NTRK3: variants seen among roughly 807,000 people sequenced by gnomAD.
NTRK3 encodes the protein neurotrophic receptor tyrosine kinase 3.
NTRK3 carries 24 observed loss-of-function variants against 91.7 expected under a neutral mutation model. The observed-to-expected ratio is 0.26, with a 90% CI of 0.19 to 0.37. NTRK3 has a LOEUF of 0.37. Ranked by LOEUF, NTRK3 falls within the 10% of genes least tolerant of loss-of-function variation. The pLI, the probability that NTRK3 is intolerant of heterozygous loss-of-function variation, is 1.00. For missense variants in NTRK3, 880 were observed against 1,068.9 expected (o/e 0.82, Z 2.46); for synonymous variants, 483 against 404.0 (o/e 1.20, Z -2.34).
At chr15:88,206,615 G>A (rs370139359) in intron 3 of NTRK3, among the ~76,000 whole-genome samples, 1 of 142,318 alleles carries the variant, frequency 7.0e-6, no homozygotes, top group Admixed American at 7.3e-5. Context: ...CCGAGATTGC[G>A]CCACTGCACT....
rs190279346 is a variant in NTRK3 at position 88,131,124 on chromosome 15, G to T, written c.1205-2390C>A. 3.0e-3 allele frequency among the ~76,000 whole-genome samples: 460 copies of T among 152,326 alleles called. 12 individuals carry two copies. The highest frequency in any genetic ancestry group is 1.2e-3 in the Non-Finnish European group (85 of 68,024). On this transcript the variant is annotated intron_variant, in intron 10 of 18. Transcript: ENST00000394480. ...TTCTAATTCAGTAGACCTGGGGTGG[G>T]TATCAAGATTTTGCATTTCTAACAA... is the stretch of plus-strand genomic sequence containing the variant.
intron 17 of NTRK3, among the ~76,000 whole-genome samples, chr15:87,884,854 G>A (rs946883156): frequency 2.0e-5 from 3 of 151,728 alleles, no homozygotes; most frequent in Non-Finnish European, 4.4e-5. Flanking sequence ...CATATTTACT[G>A]ACAAAACGTT....
chr15:87,956,211 T>C (rs969257586), intron 14 of NTRK3, among the ~76,000 whole-genome samples: 2 of 152,186 alleles, frequency 1.3e-5, no homozygotes, highest in Non-Finnish European at 2.9e-5. Context: ...CCATAAAAAT[T>C]TAAAAGTGCC....
At chr15:88,192,444 G>T (rs2047483666) in intron 3 of NTRK3, among the ~76,000 whole-genome samples, 1 of 152,094 alleles carries the variant, frequency 6.6e-6, no homozygotes, top group Non-Finnish European at 1.5e-5. Flanking sequence ...ACACATCAAT[G>T]CTCCCGGTAA....
intron 14 of NTRK3, among the ~76,000 whole-genome samples, chr15:87,986,330 A>G (rs1379607620): frequency 1.3e-5 from 2 of 152,214 alleles, no homozygotes; most frequent in African/African-American, 2.4e-5. Context: ...AGCATTAACA[A>G]TTTATAATAT....
At chr15:87,990,625 T>C (rs2075213570) in intron 14 of NTRK3, among the ~76,000 whole-genome samples, 1 of 152,198 alleles carries the variant, frequency 6.6e-6, no homozygotes, top group Non-Finnish European at 1.5e-5. Flanking sequence ...GAAAAATTTA[T>C]TTTGTTTCCA....
chr15:87,947,364 C>A (rs62019199), intron 14 of NTRK3, among the ~76,000 whole-genome samples: 2 of 151,974 alleles, frequency 1.3e-5, no homozygotes, highest in Non-Finnish European at 2.9e-5. Flanking sequence ...CCCCCTTCAA[C>A]CCCTGCAACC....
chr15:88,097,525 G>A (rs954254155), intron 13 of NTRK3, among the ~76,000 whole-genome samples: 16 of 152,106 alleles, frequency 1.1e-4, no homozygotes, highest in African/African-American at 2.9e-4. Context: ...TTATCCTCAC[G>A]CTTAATATAG....
At chr15:87,980,299 TA>T in intron 14 of NTRK3, among the ~76,000 whole-genome samples, 1 of 152,290 alleles carries the variant, frequency 6.6e-6, no homozygotes, top group South Asian at 2.1e-4. Context: ...CTACAGATTT[TA>T]AAAGTGTGTG....
chr15:88,175,810 C>T (rs891879264), intron 5 of NTRK3, among the ~76,000 whole-genome samples: 1 of 152,146 alleles, frequency 6.6e-6, no homozygotes. Context: ...AAGTAACTTG[C>T]CCAAGATATA....
At chr15:88,121,110 T>A (rs1318653032) in intron 13 of NTRK3, among the ~76,000 whole-genome samples, 8 of 151,912 alleles carry the variant, frequency 5.3e-5, no homozygotes, top group African/African-American at 1.7e-4. Context: ...TTTTACAGAC[T>A]GCAAAAGATC....
At chr15:88,082,516 C>T (rs1339884531) in intron 13 of NTRK3, among the ~76,000 whole-genome samples, 1 of 152,092 alleles carries the variant, frequency 6.6e-6, no homozygotes, top group African/African-American at 2.4e-5. Context: ...ATGCTCTCAC[C>T]CAATCATTAT....
intron 5 of NTRK3, among the ~76,000 whole-genome samples, chr15:88,150,776 T>C (rs1220011777): frequency 6.6e-6 from 1 of 152,056 alleles, no homozygotes; most frequent in East Asian, 1.9e-4. Flanking sequence ...AGACAAGAGA[T>C]AAGGCAAACA....
chr15:88,027,780 A>G lies in NTRK3; in HGVS notation c.1585+5077T>C, dbSNP rs2078167685. Among the ~76,000 whole-genome samples, 5 of 152,318 alleles carry G rather than the reference A, an allele frequency of 3.3e-5. No homozygotes were observed. The South Asian group carries it at 1.0e-3, about 32-fold the overall frequency. On this transcript the variant is annotated intron_variant, in intron 14 of 18. Transcript: ENST00000394480. ...GTTCCATGCTGTGGTTTCTGTTGAAAATAAAGAATTATGACACTAGGAATA... is the reference window on the plus strand; with the variant it reads ...GTTCCATGCTGTGGTTTCTGTTGAAGATAAAGAATTATGACACTAGGAATA...
intron 5 of NTRK3, among the ~76,000 whole-genome samples, chr15:88,176,555 A>T (rs2046017561): frequency 6.6e-6 from 1 of 152,210 alleles, no homozygotes; most frequent in Admixed American, 6.5e-5. Context: ...GAGGAATGTC[A>T]CACAGAGCGT....
intron 3 of NTRK3, among the ~76,000 whole-genome samples, chr15:88,226,466 A>G (rs149880179): frequency 1.3e-3 from 204 of 152,278 alleles, no homozygotes; most frequent in African/African-American, 4.6e-3. Context: ...ATGACCCACA[A>G]TGGGGGTGGG....
chr15:88,061,903 AC>A (rs1266901501), intron 13 of NTRK3, among the ~76,000 whole-genome samples: 4 of 152,230 alleles, frequency 2.6e-5, no homozygotes, highest in African/African-American at 9.6e-5. Flanking sequence ...TATCCATCAA[AC>A]GGGGGTAATA....
intron 14 of NTRK3, among the ~76,000 whole-genome samples, chr15:87,949,265 C>T (rs760924341): frequency 1.3e-5 from 2 of 151,980 alleles, no homozygotes; most frequent in Admixed American, 6.6e-5. Flanking sequence ...GAGAATGGCC[C>T]GAGGAACCAA....
intron 3 of NTRK3, among the ~76,000 whole-genome samples, chr15:88,210,356 G>A (rs547670097): frequency 1.3e-5 from 2 of 152,250 alleles, no homozygotes; most frequent in East Asian, 1.9e-4. Context: ...TCTTCCTCGC[G>A]GAAGCCTGAA....
Sources: allele counts gnomAD v4.1 joint callset (sites outside exome capture counted in the v4.1 genomes callset), GRCh38; gene constraint gnomAD v4.1.1; transcripts MANE v1.5; gene names NCBI Gene and HGNC (gene_info 2026-07-23, HGNC 2026-07-21).